CLSTN2: variants seen among roughly 807,000 people sequenced by gnomAD.
The protein encoded by CLSTN2 is calsyntenin 2, also known as calsyntenin-2.
In CLSTN2, 48 loss-of-function variants were observed where a neutral mutation model predicts 101.2. That is an observed-to-expected ratio of 0.47 (90% CI 0.38 to 0.60). The LOEUF is 0.60. Ranked by LOEUF, CLSTN2 falls within the 20% of genes least tolerant of loss-of-function variation. The pLI, the probability that CLSTN2 is intolerant of heterozygous loss-of-function variation, is 0.00. For synonymous variants in CLSTN2, 481 were observed against 463.6 expected (o/e 1.04, Z -0.48); for missense variants, 1,160 against 1,238.2 (o/e 0.94, Z 0.95).
At chr3:140,038,513 T>C (rs892610859) in intron 1 of CLSTN2, among the ~76,000 whole-genome samples, 1 of 152,122 alleles carries the variant, frequency 6.6e-6, no homozygotes, top group African/African-American at 2.4e-5. Context: ...TCTGATGATA[T>C]TTTCTTTCGG....
chr3:140,156,674 C>A (rs1170938378), intron 1 of CLSTN2, among the ~76,000 whole-genome samples: 1 of 152,188 alleles, frequency 6.6e-6, no homozygotes, highest in Non-Finnish European at 1.5e-5. Context: ...AGAGGTGAGA[C>A]TCCTCTGACA....
At position 140,098,949 on chromosome 3, in the gene CLSTN2, A is replaced by C. The variant is rs528927146; in HGVS notation, c.110-77002A>C. 3.9e-5 allele frequency among the ~76,000 whole-genome samples: 6 copies of C among 152,274 alleles called. No homozygotes were observed. In the East Asian group the frequency reaches 1.2e-3, roughly 29 times the overall value. On this transcript the variant is annotated intron_variant, in intron 1 of 16. Coordinates refer to ENST00000458420, the MANE Select transcript of CLSTN2 (RefSeq NM_022131.3). ...TCCAGGCCTCTCCCACAGGCCCAACATACTTAAAGGTGAGATCACACACGG... is the reference window on the plus strand; with the variant it reads ...TCCAGGCCTCTCCCACAGGCCCAACCTACTTAAAGGTGAGATCACACACGG...
intron 1 of CLSTN2, among the ~76,000 whole-genome samples, chr3:140,130,718 C>G (rs1029290691): frequency 2.0e-5 from 3 of 152,130 alleles, no homozygotes; most frequent in Non-Finnish European, 2.9e-5. Flanking sequence ...CCTGACCCAG[C>G]CTGAAGGGTC....
intron 2 of CLSTN2, among the ~76,000 whole-genome samples, chr3:140,393,217 G>A (rs1425183324): frequency 1.3e-5 from 2 of 152,108 alleles, no homozygotes; most frequent in African/African-American, 2.4e-5. Context: ...ACTTCTGACT[G>A]GTTCAACTTT....
chr3:140,248,763 T>A (rs1317014592), intron 2 of CLSTN2, among the ~76,000 whole-genome samples: 1 of 152,206 alleles, frequency 6.6e-6, no homozygotes, highest in East Asian at 1.9e-4. Flanking sequence ...GTTTGAAGAT[T>A]ATTTCATTAT....
intron 2 of CLSTN2, among the ~76,000 whole-genome samples, chr3:140,257,015 G>A (rs941505080): frequency 5.9e-5 from 9 of 152,140 alleles, no homozygotes; most frequent in African/African-American, 2.2e-4. Flanking sequence ...TAGGCCGGGC[G>A]CGATGGCTCA....
intron 4 of CLSTN2, among the ~76,000 whole-genome samples, chr3:140,412,086 G>T (rs984724496): frequency 2.6e-5 from 4 of 152,164 alleles, no homozygotes; most frequent in Admixed American, 6.6e-5. Context: ...TGCAATCTAG[G>T]CTCACCATAA....
chr3:140,212,654 T>C (rs2010872271), intron 2 of CLSTN2, among the ~76,000 whole-genome samples: 2 of 152,346 alleles, frequency 1.3e-5, no homozygotes, highest in South Asian at 4.1e-4. Flanking sequence ...TATCCTCCTA[T>C]ATCTCTTGTT....
chr3:140,147,577 G>GA (rs1196690296), intron 1 of CLSTN2, among the ~76,000 whole-genome samples: 1 of 151,772 alleles, frequency 6.6e-6, no homozygotes, highest in African/African-American at 2.4e-5. Flanking sequence ...GAGGGCAGCT[G>GA]AAAAAAAATG....
At chr3:139,969,789 C>A (rs1935663146) in intron 1 of CLSTN2, among the ~76,000 whole-genome samples, 2 of 152,190 alleles carry the variant, frequency 1.3e-5, no homozygotes, top group African/African-American at 4.8e-5. Flanking sequence ...CCAAAAGCAA[C>A]CATCACCCAC....
At chr3:140,039,212 C>T (rs1261427814) in intron 1 of CLSTN2, among the ~76,000 whole-genome samples, 2 of 152,152 alleles carry the variant, frequency 1.3e-5, no homozygotes, top group East Asian at 3.8e-4. Flanking sequence ...TGAACACACT[C>T]ACATTTGAAT....
At chr3:140,128,052 G>A (rs2009464082) in intron 1 of CLSTN2, among the ~76,000 whole-genome samples, 1 of 152,148 alleles carries the variant, frequency 6.6e-6, no homozygotes, top group South Asian at 2.1e-4. Flanking sequence ...TGGATTCATT[G>A]TAGGGGTTCT....
intron 2 of CLSTN2, among the ~76,000 whole-genome samples, chr3:140,193,552 G>A (rs572800500): frequency 6.6e-5 from 10 of 151,446 alleles, no homozygotes; most frequent in Non-Finnish European, 1.3e-4. Flanking sequence ...CTATAGGTAA[G>A]GTACCATTCT....
At chr3:140,042,567 A>G (rs938616837) in intron 1 of CLSTN2, among the ~76,000 whole-genome samples, 1 of 152,134 alleles carries the variant, frequency 6.6e-6, no homozygotes, top group East Asian at 1.9e-4. Flanking sequence ...GTACATGTGC[A>G]CAATGTGCAG....
At chr3:140,161,100 G>A (rs140055749) in intron 1 of CLSTN2, among the ~76,000 whole-genome samples, 2 of 152,050 alleles carry the variant, frequency 1.3e-5, no homozygotes, top group African/African-American at 4.8e-5. Context: ...TAGCAATTTT[G>A]GGATGTATGC....
intron 1 of CLSTN2, among the ~76,000 whole-genome samples, chr3:140,006,046 A>G (rs9814131): frequency 0.56 from 85,075 of 151,926 alleles, 26,285 homozygotes; most frequent in Non-Finnish European, 0.69. Context: ...TATGATTCAG[A>G]AACCAGAGTT....
At chr3:140,562,411 GC>G in intron 13 of CLSTN2, 103 bp downstream of exon 13, 1 of 1,158,346 alleles carries the variant, frequency 8.6e-7, no homozygotes. Flanking sequence ...GCACTGTGAA[GC>G]CCCAGGGACC....
intron 8 of CLSTN2, among the ~76,000 whole-genome samples, chr3:140,526,903 A>T (rs537119883): frequency 1.3e-5 from 2 of 152,258 alleles, no homozygotes; most frequent in African/African-American, 4.8e-5. Context: ...ATGAAGCTGG[A>T]CTCCTACCTC....
intron 1 of CLSTN2, among the ~76,000 whole-genome samples, chr3:140,129,522 C>A (rs1294185008): frequency 6.6e-6 from 1 of 152,078 alleles, no homozygotes; most frequent in African/African-American, 2.4e-5. Flanking sequence ...GTAGAATCAA[C>A]AAAACATTGC....
Sources: gnomAD v4.1 joint callset for allele counts (sites outside exome capture counted in the v4.1 genomes callset) on GRCh38, gnomAD v4.1.1 for gene constraint, MANE v1.5 for transcripts, NCBI Gene and HGNC (gene_info 2026-07-23, HGNC 2026-07-21) for gene names.